The following RPS6KC1 variants were observed in gnomAD, a reference collection of about 807,000 sequenced individuals.
The protein encoded by RPS6KC1 is inactive ribosomal protein S6 kinase delta-1.
Under a neutral mutation model 103.8 loss-of-function variants are expected in RPS6KC1, and 54 were observed. The ratio of observed to expected loss-of-function variants is 0.52; its 90% CI spans 0.42 to 0.65. RPS6KC1 has a LOEUF of 0.65. Among genes scored for constraint, RPS6KC1 ranks in the 30% least tolerant of loss-of-function variants. The pLI, the probability that RPS6KC1 is intolerant of heterozygous loss-of-function variation, is 0.00. For missense variants in RPS6KC1, 1,151 were observed against 1,253.8 expected (o/e 0.92, Z 1.24); for synonymous variants, 439 against 438.7 (o/e 1.00, Z -0.01).
the RPS6KC1 span, among the ~76,000 whole-genome samples, chr1:213,633,825 G>T: frequency 0.16 from 20,320 of 130,220 alleles, 2,300 homozygotes; most frequent in African/African-American, 0.34. Context: ...GAGACACACA[G>T]AGGCTCAAAA....
intron 14 of RPS6KC1, among the ~76,000 whole-genome samples, chr1:213,268,534 T>C (rs956877999): frequency 2.0e-5 from 3 of 148,316 alleles, no homozygotes; most frequent in African/African-American, 7.4e-5. Flanking sequence ...GACAAAAAAA[T>C]ATATATTTTA....
At chr1:213,209,994 G>A (rs1022506280) in intron 8 of RPS6KC1, among the ~76,000 whole-genome samples, 3 of 152,110 alleles carry the variant, frequency 2.0e-5, no homozygotes, top group African/African-American at 7.2e-5. Flanking sequence ...TGCAGTGAGC[G>A]GTGAGGACGA....
the RPS6KC1 span, among the ~76,000 whole-genome samples, chr1:213,706,938 C>T: frequency 6.6e-6 from 1 of 152,160 alleles, no homozygotes; most frequent in Non-Finnish European, 1.5e-5. Context: ...TTTCTTAATA[C>T]TGTCTGTCAT....
the RPS6KC1 span, among the ~76,000 whole-genome samples, chr1:213,825,439 A>T: frequency 6.6e-6 from 1 of 152,218 alleles, no homozygotes; most frequent in East Asian, 1.9e-4. Flanking sequence ...TAGCTTAAGA[A>T]ATCTCAAGCT....
the RPS6KC1 span, among the ~76,000 whole-genome samples, chr1:213,701,281 A>C: frequency 6.6e-6 from 1 of 151,848 alleles, no homozygotes; most frequent in Admixed American, 6.6e-5. Flanking sequence ...GAATTTTCTC[A>C]AGTGTTTTTT....
At chr1:213,503,512 A>G in the RPS6KC1 span, among the ~76,000 whole-genome samples, 1 of 152,204 alleles carries the variant, frequency 6.6e-6, no homozygotes, top group African/African-American at 2.4e-5. Flanking sequence ...TGGTTGACAT[A>G]TGTAGTACAC....
chr1:213,761,256 G>A, the RPS6KC1 span, among the ~76,000 whole-genome samples: 1 of 152,122 alleles, frequency 6.6e-6, no homozygotes, highest in Admixed American at 6.5e-5. Flanking sequence ...ATGGGCAGAG[G>A]AATGACAATT....
chr1:213,176,261 C>T (rs2091860396), intron 7 of RPS6KC1, 139 bp from the exon 8 acceptor site: 1 of 466,568 alleles, frequency 2.1e-6, no homozygotes, highest in Non-Finnish European at 3.8e-6. Flanking sequence ...TACAGACAAA[C>T]AGAAACTTCT....
chr1:213,396,089 T>C, the RPS6KC1 span, among the ~76,000 whole-genome samples: 20 of 152,164 alleles, frequency 1.3e-4, no homozygotes, highest in Admixed American at 1.3e-3. Context: ...GGGAATAGCA[T>C]GGAGAAAGAC....
At chr1:213,133,092 C>A (rs1316442828) in intron 6 of RPS6KC1, among the ~76,000 whole-genome samples, 2 of 152,150 alleles carry the variant, frequency 1.3e-5, no homozygotes, top group Non-Finnish European at 2.9e-5. Context: ...CACTTACTCC[C>A]TCTTAGAAAT....
rs1371324490 is a variant in RPS6KC1, at chr1:213,051,339, C to G, written c.-66C>G. On this transcript the variant is annotated 5_prime_UTR_variant, in exon 1 of 15. Coordinates refer to ENST00000366960, the MANE Select transcript of RPS6KC1 (RefSeq NM_012424.6). ...CGCCGCTGCGTTGGGGAACCTGGAC[C>G]GCGGCGGCGCCGGGTTTCCCTCATG... 2 of 1,293,792 alleles carry G rather than the reference C, an allele frequency of 1.5e-6. No homozygotes were observed. Among genetic ancestry groups the G allele is most frequent in the East Asian group, 4.8e-5 (2 of 41,740 alleles). The allele number at this position is 1,293,792 out of a possible 1,614,324, so 80.1% of individuals were successfully genotyped here. A position where few individuals can be genotyped will look rare whatever the true frequency, so the allele number is the denominator to read the frequency against.
the RPS6KC1 span, among the ~76,000 whole-genome samples, chr1:213,360,821 T>C: frequency 2.6e-5 from 4 of 152,210 alleles, no homozygotes. Flanking sequence ...GCTGGAGGTC[T>C]ACTCCAGACC....
chr1:213,126,224 A>G (rs996111247), intron 5 of RPS6KC1, among the ~76,000 whole-genome samples: 2 of 152,138 alleles, frequency 1.3e-5, no homozygotes, highest in African/African-American at 4.8e-5. Context: ...TAAAATTTAT[A>G]TATATTTCTT....
At chr1:213,742,039 T>C in the RPS6KC1 span, among the ~76,000 whole-genome samples, 3 of 152,282 alleles carry the variant, frequency 2.0e-5, no homozygotes, top group Middle Eastern at 0.01. Context: ...TTGGTTGTCT[T>C]TGGCATAAGA....
chr1:213,657,743 G>T, the RPS6KC1 span, among the ~76,000 whole-genome samples: 2 of 152,262 alleles, frequency 1.3e-5, no homozygotes, highest in East Asian at 3.9e-4. Context: ...ATAAGTGGTT[G>T]GTGCTATTTT....
chr1:213,151,875 G>A (rs1262328458), intron 6 of RPS6KC1, among the ~76,000 whole-genome samples: 1 of 117,976 alleles, frequency 8.5e-6, no homozygotes, highest in Non-Finnish European at 1.8e-5. Flanking sequence ...GGCCGGGCGG[G>A]GGGCTGATCC....
chr1:213,406,976 G>T, the RPS6KC1 span, among the ~76,000 whole-genome samples: 1 of 152,304 alleles, frequency 6.6e-6, no homozygotes, highest in African/African-American at 2.4e-5. Context: ...CACTTGCAAG[G>T]CCTGGCTGGA....
chr1:213,430,144 G>C, the RPS6KC1 span, among the ~76,000 whole-genome samples: 1 of 152,122 alleles, frequency 6.6e-6, no homozygotes, highest in African/African-American at 2.4e-5. Flanking sequence ...GATCAGGTAA[G>C]AGGCTTGTCA....
chr1:213,821,123 C>G, the RPS6KC1 span: 1 of 152,294 alleles, frequency 6.6e-6, no homozygotes, highest in Non-Finnish European at 1.5e-5. Flanking sequence ...TTCTCAAGAA[C>G]CCCATCTCCT....
Sources: allele counts gnomAD v4.1 joint callset (sites outside exome capture counted in the v4.1 genomes callset), GRCh38; gene constraint gnomAD v4.1.1; transcripts MANE v1.5; gene names NCBI Gene and HGNC (gene_info 2026-07-23, HGNC 2026-07-21).